Variants in PKD1L1 observed in about 807,000 individuals in gnomAD.
PKD1L1 encodes polycystin 1 like 1, transient receptor potential channel interacting.
PKD1L1 carries 236 observed loss-of-function variants against 323.4 expected under a neutral mutation model. That is an observed-to-expected ratio of 0.73 (90% CI 0.66 to 0.81). PKD1L1 has a LOEUF of 0.81. Ranked by LOEUF, PKD1L1 falls within the 40% of genes least tolerant of loss-of-function variation. The pLI is 0.00. For synonymous variants in PKD1L1, 1,344 were observed against 1,335.0 expected, an observed-to-expected ratio of 1.01 and a Z score of -0.15; for missense variants, 3,320 against 3,508.0, an observed-to-expected ratio of 0.95 and a Z score of 1.35.
At chr7:47,875,515 C>T (rs1049086929) in intron 23 of PKD1L1, among the ~76,000 whole-genome samples, 1 of 152,160 alleles carries the variant, frequency 6.6e-6, no homozygotes, top group African/African-American at 2.4e-5. Context: ...ATTTAACCAG[C>T]CTGGGTTTGC....
intron 54 of PKD1L1, 97 bp from the exon 55 acceptor site, chr7:47,796,247 AT>A: frequency 8.8e-7 from 1 of 1,133,836 alleles, no homozygotes; most frequent in Non-Finnish European, 1.2e-6. Context: ...ATTATATCTG[AT>A]GATGCTACTT....
intron 7 of PKD1L1, among the ~76,000 whole-genome samples, chr7:47,928,072 G>A (rs1286007709): frequency 6.6e-6 from 1 of 152,172 alleles, no homozygotes; most frequent in Non-Finnish European, 1.5e-5. Flanking sequence ...GGCAAGGAGT[G>A]GGATACTGTG....
chr7:47,829,418 T>G lies in PKD1L1; in HGVS notation c.6735+7A>C, dbSNP rs779190143. The G allele has an allele frequency of 6.3e-7, 1 of 1,588,736 alleles. No individual in the cohort carries two copies. The highest frequency in any genetic ancestry group is 8.5e-7 in the Non-Finnish European group (1 of 1,170,312). On this transcript the variant is annotated splice_region_variant and intron_variant, in intron 44 of 56. Transcript: ENST00000289672. ...TCAATTTGCACTGCATAGGTAATTT[T>G]TTTTACTTTTTCAACCTCGCCTGCA... is the stretch of plus-strand genomic sequence containing the variant.
chr7:47,852,207 G>A (rs1785796972), intron 31 of PKD1L1, among the ~76,000 whole-genome samples: 1 of 152,130 alleles, frequency 6.6e-6, no homozygotes, highest in Admixed American at 6.6e-5. Flanking sequence ...TAAGGCAAAT[G>A]TGGCAGAAAT....
intron 54 of PKD1L1, among the ~76,000 whole-genome samples, chr7:47,799,331 T>A (rs1253421804): frequency 6.6e-6 from 1 of 152,132 alleles, no homozygotes; most frequent in Non-Finnish European, 1.5e-5. Flanking sequence ...CGGGCCTGAG[T>A]GTTGTCAAGG....
chr7:47,825,565 T>C (rs1038197209), intron 45 of PKD1L1, among the ~76,000 whole-genome samples: 10 of 152,094 alleles, frequency 6.6e-5, no homozygotes, highest in Admixed American at 1.3e-4. Context: ...AAAACTTTGT[T>C]ACAAGTATTT....
intron 9 of PKD1L1, among the ~76,000 whole-genome samples, chr7:47,906,879 T>C (rs1171113069): frequency 6.6e-6 from 1 of 150,594 alleles, no homozygotes; most frequent in Non-Finnish European, 1.5e-5. Context: ...CTGAGCACAA[T>C]CTGATAATCA....
intron 17 of PKD1L1, among the ~76,000 whole-genome samples, chr7:47,887,285 C>T (rs1215591991): frequency 2.6e-5 from 4 of 152,168 alleles, no homozygotes; most frequent in African/African-American, 7.2e-5. Context: ...GGGGGCTTGG[C>T]ACCAGCTCTG....
At chr7:47,901,252 C>T (rs759854224) in intron 13 of PKD1L1, among the ~76,000 whole-genome samples, 3 of 146,130 alleles carry the variant, frequency 2.1e-5, no homozygotes, top group East Asian at 2.0e-4. Context: ...GCAGGAGAAT[C>T]GCTTAAAGCC....
chr7:47,811,721 G>A (rs1394585270), intron 50 of PKD1L1, 96 bp downstream of exon 50: 2 of 946,734 alleles, frequency 2.1e-6, no homozygotes, highest in Non-Finnish European at 1.6e-6. Flanking sequence ...AGGTGAATGG[G>A]TAGGGAACTA....
chr7:47,872,427 G>T (rs1786301469), intron 24 of PKD1L1, among the ~76,000 whole-genome samples: 1 of 152,148 alleles, frequency 6.6e-6, no homozygotes. Context: ...GCATAGTACT[G>T]GTATGAGAAG....
At chr7:47,888,240 C>A in intron 16 of PKD1L1, 90 bp from the exon 17 acceptor site, 2 of 1,351,228 alleles carry the variant, frequency 1.5e-6, no homozygotes, top group East Asian at 2.3e-5. Context: ...TTTAAATCAC[C>A]CTACTTTGGA....
At chr7:47,922,640 G>A (rs375270266) in intron 7 of PKD1L1, among the ~76,000 whole-genome samples, 3 of 150,166 alleles carry the variant, frequency 2.0e-5, no homozygotes, top group Non-Finnish European at 4.4e-5. Context: ...CTGACCGGCC[G>A]CCCCGTCTGA....
intron 8 of PKD1L1, among the ~76,000 whole-genome samples, chr7:47,908,472 CT>C (rs1787255019): frequency 1.3e-5 from 2 of 152,310 alleles, no homozygotes; most frequent in African/African-American, 4.8e-5. Context: ...ATTTAATGCT[CT>C]GCTATCTTGA....
intron 51 of PKD1L1, 24 bp from the exon 52 acceptor site, chr7:47,808,411 C>T: frequency 1.9e-6 from 3 of 1,613,154 alleles, no homozygotes; most frequent in South Asian, 2.2e-5. Context: ...GAGAAAGGCC[C>T]TCAGATGGCT....
rs577542769 is a variant in PKD1L1 at position 47,902,532 on chromosome 7, GAAATGAAC to G, written c.1932-29_1932-22del. On this transcript the variant is annotated intron_variant, in intron 12 of 56. Transcript: ENST00000289672. The stretch of plus-strand genomic sequence containing the variant: ...CTTCCCTGGGACGGTGGAAAGCACA[GAAATGAAC>G]AAATTTATGTTGATGAACGTCAGGC... The G allele has an allele frequency of 3.7e-4, 600 of 1,611,232 alleles. 14 individuals carry two copies. In the South Asian group the frequency reaches 5.6e-3, roughly 15 times the overall value.
At position 47,834,977 on chromosome 7, in the gene PKD1L1, C is replaced by G. The variant is rs1377589571; in HGVS notation, c.6117G>C (p.Glu2039Asp). The G allele has an allele frequency of 1.9e-6, 3 of 1,613,458 alleles. No homozygotes were observed. The highest frequency in any genetic ancestry group is 2.5e-6 in the Non-Finnish European group (3 of 1,179,610). ...TTAATGTACATTTACCATGGGGTGC[C>G]TCGGTCTGTGCTCCTCCTCTAAGTG... Reference protein sequence around the residue: ...HSPLRGGAQTEAPHGPNSWGR... With the variant: ...HSPLRGGAQTDAPHGPNSWGR... The change falls in exon 39 of 57, where the codon GAG becomes GAC. Residue 2039 changes from glutamate to aspartate, a missense_variant. Glu to Asp is a conservative substitution (Grantham distance 45). Transcript: ENST00000289672.
In PKD1L1 at chr7:47,885,810, G is replaced by A; in HGVS notation, c.3081C>T (p.Val1027=). The A allele has an allele frequency of 6.2e-7, 1 of 1,614,184 alleles. No individual in the cohort carries two copies. Among genetic ancestry groups the A allele is most frequent in the South Asian group, 1.1e-5 (1 of 91,084 alleles). Residue 1027 remains valine, a synonymous_variant, in exon 18 of 57, where the codon GTC becomes GTT. Transcript: ENST00000289672. The part of the protein sequence containing the change: ...YWIPPAGDSA[V]LGEAPEEGSL... Reference sequence around the variant, plus strand: ...AACCTTCCTCTGGAGCCTCCCCCAGGACTGCAGAGTCCCCCGCAGGAGGAA... The same window carrying A: ...AACCTTCCTCTGGAGCCTCCCCCAGAACTGCAGAGTCCCCCGCAGGAGGAA...
rs746079669 is a variant in PKD1L1, at chr7:47,775,171, A to C, written c.8527-5T>G. ...GAAGTCCTTGATGTCTGCTGGCTAA[A>C]AAGAAAAAATGAAAAACATACTGAA... On this transcript the variant is annotated splice_region_variant and splice_polypyrimidine_tract_variant and intron_variant, in intron 56 of 56. Transcript: ENST00000289672. 1.9e-6 allele frequency: 3 copies of C among 1,614,098 alleles called. No homozygotes were observed. Among genetic ancestry groups the C allele is most frequent in the Non-Finnish European group, 2.5e-6 (3 of 1,179,988 alleles).
Sources: gnomAD v4.1 joint callset for allele counts (sites outside exome capture counted in the v4.1 genomes callset) on GRCh38, gnomAD v4.1.1 for gene constraint, MANE v1.5 for transcripts, NCBI Gene and HGNC (gene_info 2026-07-23, HGNC 2026-07-21) for gene names.